Variants in AGBL1 observed in about 807,000 individuals in gnomAD.
The protein encoded by AGBL1 is cytosolic carboxypeptidase 4.
A neutral mutation model predicts 118.9 loss-of-function variants in AGBL1; 130 were observed. The ratio of observed to expected loss-of-function variants is 1.09; its 90% CI spans 0.95 to 1.26. The LOEUF (loss-of-function observed/expected upper bound fraction) is 1.26, where lower values mean the gene tolerates loss of function less well. Among genes scored for constraint, AGBL1 ranks in the 50% most tolerant of loss-of-function variants. The pLI, the probability that AGBL1 is intolerant of heterozygous loss-of-function variation, is 0.00. For synonymous variants in AGBL1, 555 were observed against 478.9 expected (o/e 1.16, Z -2.08); for missense variants, 1,584 against 1,298.1 (o/e 1.22, Z -3.38).
At chr15:86,085,682 C>T (rs1332499550) in intron 1 of AGBL1, among the ~76,000 whole-genome samples, 3 of 152,214 alleles carry the variant, frequency 2.0e-5, no homozygotes, top group Non-Finnish European at 2.9e-5. Context: ...TATCTCAGCT[C>T]ATCCTGAGCC....
chr15:86,927,341 C>G (rs1289660793), intron 23 of AGBL1, among the ~76,000 whole-genome samples: 1 of 151,300 alleles, frequency 6.6e-6, no homozygotes, highest in Non-Finnish European at 1.5e-5. Context: ...GGAAGCCCAG[C>G]ACTTTGGGAG....
chr15:86,124,873 C>A (rs562075814), intron 1 of AGBL1, among the ~76,000 whole-genome samples: 26 of 152,204 alleles, frequency 1.7e-4, no homozygotes, highest in Admixed American at 3.3e-4. Context: ...AATGGCAGGG[C>A]ACAATTATAA....
intron 21 of AGBL1, among the ~76,000 whole-genome samples, chr15:86,573,117 T>A (rs957282679): frequency 7.2e-5 from 11 of 152,228 alleles, no homozygotes; most frequent in African/African-American, 2.7e-4. Flanking sequence ...TATTTACTAG[T>A]TATCTACTTT....
intron 22 of AGBL1, among the ~76,000 whole-genome samples, chr15:86,678,907 A>T (rs933494755): frequency 2.6e-5 from 4 of 152,102 alleles, no homozygotes; most frequent in Admixed American, 2.0e-4. Flanking sequence ...ATACACATGC[A>T]TATAACTGGG....
chr15:86,297,767 G>T (rs897855540), intron 17 of AGBL1, among the ~76,000 whole-genome samples: 5 of 152,148 alleles, frequency 3.3e-5, no homozygotes, highest in South Asian at 2.1e-4. Flanking sequence ...GCTCAGAAAG[G>T]TTAAATACTA....
At chr15:86,524,368 C>A (rs1277829593) in intron 19 of AGBL1, among the ~76,000 whole-genome samples, 2 of 152,138 alleles carry the variant, frequency 1.3e-5, no homozygotes, top group Non-Finnish European at 2.9e-5. Flanking sequence ...CTTCAGAGGA[C>A]ACAGATTAAA....
chr15:86,650,784 G>A (rs2085356734), intron 21 of AGBL1, among the ~76,000 whole-genome samples: 1 of 152,154 alleles, frequency 6.6e-6, no homozygotes, highest in Non-Finnish European at 1.5e-5. Flanking sequence ...TCTTTCCCGA[G>A]CTCCCTCATC....
intron 22 of AGBL1, among the ~76,000 whole-genome samples, chr15:86,845,530 A>G: frequency 6.6e-6 from 1 of 152,138 alleles, no homozygotes; most frequent in East Asian, 1.9e-4. Context: ...ATACTCATGA[A>G]GGATATTGAT....
chr15:86,758,966 CAAAAAAAAAAAAA>C (rs80297816), intron 22 of AGBL1, among the ~76,000 whole-genome samples: 23 of 80,908 alleles, frequency 2.8e-4, no homozygotes, highest in Non-Finnish European at 4.6e-4. Context: ...GACACCCTGT[CAAAAAAAAAAAAA>C]AAAAAGAAAA....
chr15:86,537,584 C>T (rs78796999), intron 19 of AGBL1, among the ~76,000 whole-genome samples: 2 of 152,322 alleles, frequency 1.3e-5, no homozygotes, highest in African/African-American at 2.4e-5. Context: ...AGTGGAAAAA[C>T]GCAAGACCAC....
At chr15:86,780,536 T>G (rs1211818284) in intron 22 of AGBL1, among the ~76,000 whole-genome samples, 1 of 152,214 alleles carries the variant, frequency 6.6e-6, no homozygotes, top group Admixed American at 6.5e-5. Context: ...GGAATCACCT[T>G]TATTGGAATC....
intron 17 of AGBL1, among the ~76,000 whole-genome samples, chr15:86,381,722 C>G (rs2081115156): frequency 6.6e-6 from 1 of 152,022 alleles, no homozygotes; most frequent in African/African-American, 2.4e-5. Context: ...GGGAGCTGGT[C>G]AAGAAGAGAG....
intron 20 of AGBL1, among the ~76,000 whole-genome samples, chr15:86,546,786 A>G (rs1248287942): frequency 6.6e-6 from 1 of 152,204 alleles, no homozygotes; most frequent in Non-Finnish European, 1.5e-5. Context: ...ACTTCTTCCC[A>G]TCAGGATAAA....
At chr15:86,231,199 A>G (rs2078449957) in intron 6 of AGBL1, among the ~76,000 whole-genome samples, 2 of 152,274 alleles carry the variant, frequency 1.3e-5, no homozygotes, top group Non-Finnish European at 1.5e-5. Flanking sequence ...GCTCCAAAGG[A>G]ACTGGGATTC....
chr15:86,583,384 T>C (rs901187027), intron 21 of AGBL1, among the ~76,000 whole-genome samples: 1 of 152,112 alleles, frequency 6.6e-6, no homozygotes, highest in African/African-American at 2.4e-5. Context: ...CATATTTTTA[T>C]CTATATGTAC....
At chr15:86,753,726 T>C (rs912008563) in intron 22 of AGBL1, among the ~76,000 whole-genome samples, 1 of 152,080 alleles carries the variant, frequency 6.6e-6, no homozygotes, top group African/African-American at 2.4e-5. Context: ...CTGTCAATCA[T>C]GTCTAGGTCT....
chr15:86,218,933 C>A (rs1214548067), intron 5 of AGBL1, among the ~76,000 whole-genome samples: 1 of 152,202 alleles, frequency 6.6e-6, no homozygotes, highest in East Asian at 1.9e-4. Flanking sequence ...AGAGGATCCA[C>A]CTAAGTGGAT....
At chr15:86,169,821 G>A (rs368561621) in intron 5 of AGBL1, among the ~76,000 whole-genome samples, 5 of 152,186 alleles carry the variant, frequency 3.3e-5, no homozygotes, top group East Asian at 1.9e-4. Context: ...TAGACTGAGC[G>A]TTAGCTGTAG....
At chr15:86,628,279 GC>G (rs1227646696) in intron 21 of AGBL1, among the ~76,000 whole-genome samples, 1 of 152,184 alleles carries the variant, frequency 6.6e-6, no homozygotes, top group African/African-American at 2.4e-5. Flanking sequence ...CAGTGATCAT[GC>G]TTTGAGAACC....
Sources: gnomAD v4.1 joint callset for allele counts (sites outside exome capture counted in the v4.1 genomes callset) on GRCh38, gnomAD v4.1.1 for gene constraint, MANE v1.5 for transcripts, NCBI Gene and HGNC (gene_info 2026-07-23, HGNC 2026-07-21) for gene names.